NAALADL2: variants seen among roughly 807,000 people sequenced by gnomAD.
NAALADL2 encodes inactive N-acetylated-alpha-linked acidic dipeptidase-like protein 2.
A neutral mutation model predicts 87.2 loss-of-function variants in NAALADL2; 76 were observed. The ratio of observed to expected loss-of-function variants is 0.87; its 90% CI spans 0.72 to 1.05. NAALADL2 has a LOEUF of 1.05. NAALADL2 is among the 50% of genes least tolerant of loss of function. NAALADL2 has a pLI of 0.00. For missense variants in NAALADL2, 1,089 were observed against 945.8 expected (o/e 1.15, Z -1.99); for synonymous variants, 354 against 331.0 (o/e 1.07, Z -0.75).
At chr3:174,983,893 C>A (rs1455606925) in intron 1 of NAALADL2, among the ~76,000 whole-genome samples, 1 of 151,990 alleles carries the variant, frequency 6.6e-6, no homozygotes, top group African/African-American at 2.4e-5. Context: ...TGAGCAAGGC[C>A]CAAAGATGTC....
chr3:175,049,762 G>C (rs568818387), intron 1 of NAALADL2, among the ~76,000 whole-genome samples: 1 of 152,168 alleles, frequency 6.6e-6, no homozygotes, highest in African/African-American at 2.4e-5. Context: ...AGCTGCAAGA[G>C]AGTCAGAAAA....
chr3:174,457,602 G>GA (rs1268301704), intron 1 of NAALADL2, among the ~76,000 whole-genome samples: 1 of 152,150 alleles, frequency 6.6e-6, no homozygotes, highest in East Asian at 1.9e-4. Context: ...GAGGTGGGCA[G>GA]ATCATGAGGT....
At chr3:174,881,638 A>G (rs867242612) in intron 1 of NAALADL2, among the ~76,000 whole-genome samples, 1 of 152,140 alleles carries the variant, frequency 6.6e-6, no homozygotes, top group African/African-American at 2.4e-5. Flanking sequence ...GTCTTTGTCT[A>G]TCCAACTTGT....
intron 1 of NAALADL2, among the ~76,000 whole-genome samples, chr3:174,957,430 T>G (rs910550742): frequency 3.9e-5 from 6 of 152,158 alleles, no homozygotes; most frequent in African/African-American, 1.4e-4. Flanking sequence ...ATGAGATACC[T>G]GTTTTGATTT....
intron 1 of NAALADL2, among the ~76,000 whole-genome samples, chr3:174,885,039 G>T (rs916327504): frequency 1.3e-5 from 2 of 152,174 alleles, no homozygotes; most frequent in Non-Finnish European, 1.5e-5. Flanking sequence ...GGGAGGGGAT[G>T]TTGCCTCTGC....
intron 9 of NAALADL2, among the ~76,000 whole-genome samples, chr3:175,481,098 A>AT (rs1726390408): frequency 6.6e-6 from 1 of 151,908 alleles, no homozygotes; most frequent in Non-Finnish European, 1.5e-5. Context: ...AGTAGCTGCT[A>AT]TTTTTTAAAA....
intron 9 of NAALADL2, among the ~76,000 whole-genome samples, chr3:175,492,520 A>T (rs1582115342): frequency 1.3e-5 from 2 of 152,300 alleles, no homozygotes; most frequent in African/African-American, 4.8e-5. Flanking sequence ...TTGATTATGA[A>T]TATCTGATAG....
intron 2 of NAALADL2, among the ~76,000 whole-genome samples, chr3:174,559,424 C>T (rs1054367477): frequency 2.0e-5 from 3 of 152,104 alleles, no homozygotes; most frequent in Non-Finnish European, 2.9e-5. Flanking sequence ...CTGCTCTTAA[C>T]AGTAGATAAA....
At chr3:174,723,703 C>A (rs749089504) in intron 2 of NAALADL2, among the ~76,000 whole-genome samples, 9 of 122,940 alleles carry the variant, frequency 7.3e-5, no homozygotes, top group Non-Finnish European at 1.3e-4. Context: ...TCGCAGTGAG[C>A]AGAGACTGCG....
intron 3 of NAALADL2, among the ~76,000 whole-genome samples, chr3:174,805,827 G>C (rs976246049): frequency 6.6e-6 from 1 of 152,198 alleles, no homozygotes; most frequent in Admixed American, 6.5e-5. Context: ...GAAAAATTCT[G>C]CTTCATTTAT....
At chr3:175,565,852 TG>T (rs1717057183) in intron 9 of NAALADL2, among the ~76,000 whole-genome samples, 1 of 108,380 alleles carries the variant, frequency 9.2e-6, no homozygotes, top group African/African-American at 3.5e-5. Context: ...TTTTTTGAGA[TG>T]GAATCTCACT....
chr3:175,379,657 G>A (rs1767559824), intron 5 of NAALADL2, among the ~76,000 whole-genome samples: 2 of 151,182 alleles, frequency 1.3e-5, no homozygotes, highest in South Asian at 2.1e-4. Context: ...CCTCTGCCTC[G>A]GCCTTCTAAA....
intron 1 of NAALADL2, among the ~76,000 whole-genome samples, chr3:174,921,010 ATAATTACAATAG>A (rs1475039746): frequency 1.3e-5 from 2 of 152,200 alleles, no homozygotes; most frequent in African/African-American, 4.8e-5. Flanking sequence ...GGTGTCCCAA[ATAATTACAATAG>A]TAACATCAAA....
In NAALADL2 at chr3:175,128,598, T is replaced by C. The variant is rs547439607; in HGVS notation, c.545+31307T>C. ...GTATTGTTTCAGTTCATTTGAAAAT[T>C]GTGCAGTAGGTATAAGGGAATACAA... On this transcript the variant is annotated intron_variant, in intron 2 of 13. Transcript: ENST00000454872. Among the ~76,000 whole-genome samples the C allele has an allele frequency of 3.3e-5, 5 of 152,266 alleles. No individual in the cohort carries two copies. The South Asian group carries it at 1.0e-3, about 32-fold the overall frequency.
intron 3 of NAALADL2, among the ~76,000 whole-genome samples, chr3:174,802,954 G>A (rs1409110085): frequency 3.3e-5 from 5 of 152,078 alleles, no homozygotes; most frequent in Admixed American, 1.3e-4. Context: ...GTGTGCATGC[G>A]TCTTTATAGT....
chr3:175,163,656 C>T (rs1870740), intron 2 of NAALADL2, among the ~76,000 whole-genome samples: 71,944 of 151,856 alleles, frequency 0.47, 17,734 homozygotes, highest in East Asian at 0.7. Flanking sequence ...AAAGACCCAT[C>T]GGTCTATAGT....
chr3:174,868,293 G>A (rs891843977), intron 1 of NAALADL2, among the ~76,000 whole-genome samples: 1 of 152,118 alleles, frequency 6.6e-6, no homozygotes, highest in Admixed American at 6.5e-5. Flanking sequence ...TGGAGGGTAT[G>A]TCTGCTGCCT....
chr3:175,249,930 G>A (rs1157449180), intron 3 of NAALADL2, among the ~76,000 whole-genome samples: 11 of 152,092 alleles, frequency 7.2e-5, no homozygotes, highest in Non-Finnish European at 1.5e-5. Flanking sequence ...GCAACTTTGG[G>A]AGGCCGAGGC....
chr3:174,787,834 G>A (rs1036602882), intron 3 of NAALADL2, among the ~76,000 whole-genome samples: 1 of 150,990 alleles, frequency 6.6e-6, no homozygotes, highest in African/African-American at 2.4e-5. Flanking sequence ...CTAAATATTT[G>A]TCACCACCAG....
Sources: allele counts gnomAD v4.1 joint callset (sites outside exome capture counted in the v4.1 genomes callset), GRCh38; gene constraint gnomAD v4.1.1; transcripts MANE v1.5; gene names NCBI Gene and HGNC (gene_info 2026-07-23, HGNC 2026-07-21).